The following KCND3 variants were observed in gnomAD, a reference collection of about 807,000 sequenced individuals.
The protein encoded by KCND3 is A-type voltage-gated potassium channel KCND3.
KCND3 carries 9 observed loss-of-function variants against 51.1 expected under a neutral mutation model. The ratio of observed to expected loss-of-function variants is 0.18; its 90% CI spans 0.11 to 0.31. The LOEUF is 0.31. Among genes scored for constraint, KCND3 ranks in the 10% least tolerant of loss-of-function variants. The pLI is 1.00. For synonymous variants in KCND3, 349 were observed against 368.0 expected (o/e 0.95, Z 0.59); for missense variants, 526 against 903.8 (o/e 0.58, Z 5.36).
chr1:111,832,262 G>A (rs17028720), intron 2 of KCND3, among the ~76,000 whole-genome samples: 3,320 of 152,294 alleles, frequency 0.022, 121 homozygotes, highest in African/African-American at 0.075. Context: ...GTGCATGTAA[G>A]AGTGCCTAGA....
chr1:111,919,821 T>G (rs1404715213), intron 2 of KCND3, among the ~76,000 whole-genome samples: 1 of 152,174 alleles, frequency 6.6e-6, no homozygotes, highest in Non-Finnish European at 1.5e-5. Flanking sequence ...GATGGCATCT[T>G]GGGACTGTTA....
intron 2 of KCND3, among the ~76,000 whole-genome samples, chr1:111,947,346 G>T (rs1381596229): frequency 6.6e-6 from 1 of 152,180 alleles, no homozygotes; most frequent in Non-Finnish European, 1.5e-5. Flanking sequence ...GTAAAACAAG[G>T]TTCTTGCCCT....
At chr1:111,950,371 G>A (rs916881636) in intron 2 of KCND3, among the ~76,000 whole-genome samples, 9 of 152,072 alleles carry the variant, frequency 5.9e-5, no homozygotes, top group East Asian at 1.9e-4. Context: ...ACCACCTTCC[G>A]CCTGTCCTTG....
intron 2 of KCND3, among the ~76,000 whole-genome samples, chr1:111,791,859 A>G (rs556799454): frequency 1.6e-4 from 24 of 152,376 alleles, no homozygotes; most frequent in African/African-American, 5.8e-4. Flanking sequence ...TGGTTTAAAA[A>G]GAGTCTCTGT....
At position 111,833,617 on chromosome 1, in the gene KCND3, CA is replaced by C. The variant is rs371408087; in HGVS notation, c.1107-46512del. Among the ~76,000 whole-genome samples, 64 of 152,290 alleles carry C rather than the reference CA, an allele frequency of 4.2e-4. 1 individual carries two copies. Among genetic ancestry groups the C allele is most frequent in the African/African-American group, 1.5e-3 (61 of 41,554 alleles). ...AGAACAAATTAAAGAGAACGCTGTC[CA>C]AATGTTGGTGGTGCTGATTTCTGGC... On this transcript the variant is annotated intron_variant, in intron 2 of 7. Coordinates refer to ENST00000302127, the MANE Select transcript of KCND3 (RefSeq NM_001378969.1).
At chr1:111,857,758 C>T (rs1318323955) in intron 2 of KCND3, among the ~76,000 whole-genome samples, 2 of 151,862 alleles carry the variant, frequency 1.3e-5, no homozygotes, top group Non-Finnish European at 2.9e-5. Flanking sequence ...ATCCTCTGAT[C>T]CCCCTATCTA....
intron 2 of KCND3, among the ~76,000 whole-genome samples, chr1:111,803,094 C>A (rs919420430): frequency 2.4e-4 from 37 of 152,204 alleles, no homozygotes; most frequent in African/African-American, 8.0e-4. Flanking sequence ...GCCCCTTCGG[C>A]CTCTATCTTT....
At chr1:111,927,109 C>G (rs1395442238) in intron 2 of KCND3, among the ~76,000 whole-genome samples, 1 of 152,322 alleles carries the variant, frequency 6.6e-6, no homozygotes, top group East Asian at 1.9e-4. Context: ...CATTTGCTAG[C>G]TAAGGACTCT....
intron 2 of KCND3, among the ~76,000 whole-genome samples, chr1:111,878,958 G>T (rs901645281): frequency 8.5e-5 from 13 of 152,130 alleles, no homozygotes; most frequent in African/African-American, 2.9e-4. Context: ...TCTGTTAAAG[G>T]CCTGAATAGG....
intron 2 of KCND3, among the ~76,000 whole-genome samples, chr1:111,805,687 G>T (rs1316441587): frequency 2.0e-5 from 3 of 152,232 alleles, no homozygotes; most frequent in Non-Finnish European, 1.5e-5. Context: ...AGGAGCGGGG[G>T]GACATGGAGA....
At chr1:111,879,775 CA>C (rs776620075) in intron 2 of KCND3, among the ~76,000 whole-genome samples, 4 of 152,184 alleles carry the variant, frequency 2.6e-5, no homozygotes, top group Non-Finnish European at 5.9e-5. Flanking sequence ...CAGAAAATTT[CA>C]AATCCTTGAA....
chr1:111,961,168 C>T (rs541763532), intron 2 of KCND3, among the ~76,000 whole-genome samples: 89 of 152,328 alleles, frequency 5.8e-4, no homozygotes, highest in African/African-American at 1.9e-3. Flanking sequence ...TGGCTGGCCA[C>T]AGAGGGGCCT....
intron 2 of KCND3, among the ~76,000 whole-genome samples, chr1:111,825,947 A>G (rs1666550879): frequency 6.6e-6 from 1 of 152,212 alleles, no homozygotes; most frequent in Non-Finnish European, 1.5e-5. Flanking sequence ...GAATGAGACT[A>G]TTTTGCTGCA....
intron 2 of KCND3, among the ~76,000 whole-genome samples, chr1:111,883,026 A>G (rs983942955): frequency 2.0e-5 from 3 of 152,186 alleles, no homozygotes; most frequent in African/African-American, 7.2e-5. Flanking sequence ...TTAGCCTAAA[A>G]CAGTTTGGAT....
chr1:111,879,362 T>C (rs1226341496), intron 2 of KCND3, among the ~76,000 whole-genome samples: 1 of 152,200 alleles, frequency 6.6e-6, no homozygotes, highest in African/African-American at 2.4e-5. Flanking sequence ...TCAAAGTGTT[T>C]ACATTCTTGC....
intron 2 of KCND3, among the ~76,000 whole-genome samples, chr1:111,836,634 G>A (rs571164411): frequency 1.4e-3 from 215 of 152,228 alleles, no homozygotes; most frequent in Non-Finnish European, 2.4e-3. Context: ...TGTGGGTAGC[G>A]GTATTAGGAT....
chr1:111,889,090 G>A (rs1357042784), intron 2 of KCND3, among the ~76,000 whole-genome samples: 1 of 152,154 alleles, frequency 6.6e-6, no homozygotes, highest in Non-Finnish European at 1.5e-5. Context: ...AGTTCGTTTG[G>A]GTAAATGGAG....
chr1:111,930,644 A>G (rs1042699808), intron 2 of KCND3, among the ~76,000 whole-genome samples: 1 of 148,292 alleles, frequency 6.7e-6, no homozygotes, highest in Non-Finnish European at 1.5e-5. Flanking sequence ...ATAAAGCACC[A>G]CTGGCTGCAC....
chr1:111,782,877 A>C (rs1235050687), intron 3 of KCND3, among the ~76,000 whole-genome samples: 1 of 152,184 alleles, frequency 6.6e-6, no homozygotes, highest in Non-Finnish European at 1.5e-5. Flanking sequence ...ATGGATTTAC[A>C]TAACCATACC....
Sources: allele counts gnomAD v4.1 joint callset (sites outside exome capture counted in the v4.1 genomes callset), GRCh38; gene constraint gnomAD v4.1.1; transcripts MANE v1.5; gene names NCBI Gene and HGNC (gene_info 2026-07-23, HGNC 2026-07-21).